Variants in TRIM9 observed in about 807,000 individuals in gnomAD.
The protein encoded by TRIM9 is tripartite motif containing 9, also known as E3 ubiquitin-protein ligase TRIM9.
A neutral mutation model predicts 78.3 loss-of-function variants in TRIM9; 26 were observed. The observed-to-expected ratio is 0.33, with a 90% confidence interval of 0.24 to 0.46. The LOEUF (loss-of-function observed/expected upper bound fraction) is 0.46, where lower values mean the gene tolerates loss of function less well. TRIM9 is among the 20% of genes least tolerant of loss of function. The probability of loss-of-function intolerance (pLI) is 1.00; values close to 1 mark genes in which losing one functional copy is unlikely to be tolerated. For synonymous variants in TRIM9, 398 were observed against 416.5 expected (o/e 0.96, Z 0.54); for missense variants, 787 against 1,036.4 (o/e 0.76, Z 3.30).
chr14:51,011,037 G>A (rs1268200590), intron 3 of TRIM9, among the ~76,000 whole-genome samples: 2 of 152,152 alleles, frequency 1.3e-5, no homozygotes, highest in Non-Finnish European at 2.9e-5. Flanking sequence ...GATGGTGGGG[G>A]ACCTGGAAGG....
At position 50,998,035 on chromosome 14, in the gene TRIM9, G is replaced by A. The variant is rs2054451966; in HGVS notation, c.1603+15C>T. ...CGCAGTTCTCGCTCTGAGGGATACTGCTGAAGGGCCTTACCCTCAGACGTT... is the reference window on the plus strand; with the variant it reads ...CGCAGTTCTCGCTCTGAGGGATACTACTGAAGGGCCTTACCCTCAGACGTT... On this transcript the variant is annotated intron_variant, in intron 7 of 12. Transcript: ENST00000684578. 2 of 1,613,992 alleles carry A rather than the reference G, an allele frequency of 1.2e-6. No homozygotes were observed. Among genetic ancestry groups the A allele is most frequent in the South Asian group, 2.2e-5 (2 of 91,044 alleles).
chr14:51,062,953 A>G (rs187160303), intron 1 of TRIM9, among the ~76,000 whole-genome samples: 18 of 152,298 alleles, frequency 1.2e-4, no homozygotes, highest in African/African-American at 4.3e-4. Flanking sequence ...GCCACATGAG[A>G]TATGTGGAGA....
At chr14:51,053,382 T>C (rs1022723551) in intron 1 of TRIM9, among the ~76,000 whole-genome samples, 3 of 151,692 alleles carry the variant, frequency 2.0e-5, no homozygotes, top group African/African-American at 7.2e-5. Flanking sequence ...ACACTCATGA[T>C]AGGAGATGCT....
At chr14:51,010,651 T>A (rs750260229) in intron 3 of TRIM9, among the ~76,000 whole-genome samples, 157 bp from the exon 4 acceptor site, 5 of 152,124 alleles carry the variant, frequency 3.3e-5, no homozygotes, top group Non-Finnish European at 5.9e-5. Flanking sequence ...CTGCTGGGGA[T>A]AAGGGCTCTG....
At chr14:51,014,267 G>A (rs992769388) in intron 3 of TRIM9, among the ~76,000 whole-genome samples, 1 of 152,106 alleles carries the variant, frequency 6.6e-6, no homozygotes, top group African/African-American at 2.4e-5. Flanking sequence ...TGAGTGCTGG[G>A]GCTCTCTGCT....
intron 3 of TRIM9, among the ~76,000 whole-genome samples, chr14:51,019,991 C>T (rs2139742556): frequency 6.6e-6 from 1 of 152,312 alleles, no homozygotes; most frequent in Non-Finnish European, 1.5e-5. Flanking sequence ...ACTCACTTTC[C>T]AGCATTCCTA....
intron 1 of TRIM9, among the ~76,000 whole-genome samples, chr14:51,026,086 C>T (rs376930469): frequency 1.2e-4 from 18 of 152,158 alleles, no homozygotes; most frequent in African/African-American, 4.3e-4. Context: ...CTGGGGAGGC[C>T]GTGGTACACA....
intron 3 of TRIM9, 55 bp downstream of exon 3, chr14:51,022,780 C>T: frequency 6.2e-7 from 1 of 1,606,616 alleles, no homozygotes; most frequent in Non-Finnish European, 8.5e-7. Flanking sequence ...GTCCATCATG[C>T]CCCTCGGGAG....
chr14:51,015,183 A>T (rs1205099524), intron 3 of TRIM9, among the ~76,000 whole-genome samples: 2 of 152,210 alleles, frequency 1.3e-5, no homozygotes, highest in Non-Finnish European at 2.9e-5. Flanking sequence ...AGTCTGAAGG[A>T]CTGTTGTGTC....
chr14:51,083,490 G>A (rs943602486), intron 1 of TRIM9, among the ~76,000 whole-genome samples: 4 of 151,902 alleles, frequency 2.6e-5, no homozygotes, highest in East Asian at 1.9e-4. Context: ...AACTCCTTCC[G>A]CCTCAGCCTC....
Position 51,094,810 on chromosome 14 carries a change from A to G in TRIM9, c.130T>C (p.Ser44Pro). The change falls in exon 1 of 13, where the codon TCT becomes CCT. Residue 44 changes from serine to proline, a missense_variant. Ser to Pro is a moderately conservative substitution (Grantham distance 74). This residue lies in a region of TRIM9 where 352 missense variants were observed against 472.3 expected (regional missense o/e 0.75). Transcript: ENST00000684578. ...GCCCGATGGCTCTGGGGGGATTCAG[A>G]CTCTGGGGTCTGCACCAGGATGTTG... Reference protein sequence around the residue: ...ARNILVQTPESESPQSHRAAG... With the variant: ...ARNILVQTPEPESPQSHRAAG... 1 of 1,536,220 alleles carries G rather than the reference A, an allele frequency of 6.5e-7. No homozygotes were observed. The highest frequency in any genetic ancestry group is 1.4e-5 in the African/African-American group (1 of 72,092).
intron 3 of TRIM9, among the ~76,000 whole-genome samples, chr14:51,013,159 T>C (rs878909194): frequency 2.6e-5 from 4 of 152,202 alleles, no homozygotes; most frequent in Admixed American, 2.6e-4. Context: ...TTTTAGGTTT[T>C]GTATTTAGTT....
At chr14:51,061,432 T>A (rs2061345668) in intron 1 of TRIM9, among the ~76,000 whole-genome samples, 1 of 133,308 alleles carries the variant, frequency 7.5e-6, no homozygotes, top group African/African-American at 2.8e-5. Flanking sequence ...AAAAAAAAAA[T>A]TGGATTGTTG....
rs931685788 is a variant in TRIM9, at chr14:51,095,079, G to T, written c.-140C>A. On this transcript the variant is annotated 5_prime_UTR_variant, in exon 1 of 13. Coordinates refer to ENST00000684578, the MANE Select transcript of TRIM9 (RefSeq NM_001387360.1). Reference sequence around the variant, plus strand: ...GTGCCTTCCCGCGCAGCACTGGCACGGACACCCAGAGAGGCGCTAGCTCTG... The same window carrying T: ...GTGCCTTCCCGCGCAGCACTGGCACTGACACCCAGAGAGGCGCTAGCTCTG... 4 of 559,402 alleles carry T rather than the reference G, an allele frequency of 7.2e-6. No homozygotes were observed. In the African/African-American group the frequency reaches 7.7e-5, roughly 11 times the overall value. 34.7% of individuals were successfully genotyped at this position (559,402 alleles called of 1,614,324 possible). A position where few individuals can be genotyped will look rare whatever the true frequency, so the allele number is the denominator to read the frequency against.
At chr14:51,054,094 T>C (rs190365214) in intron 1 of TRIM9, among the ~76,000 whole-genome samples, 161 of 152,316 alleles carry the variant, frequency 1.1e-3, no homozygotes, top group Non-Finnish European at 1.5e-3. Context: ...CATTTTGACA[T>C]CATTAAAAAG....
intron 1 of TRIM9, among the ~76,000 whole-genome samples, chr14:51,074,625 C>T (rs79020585): frequency 0.09 from 13,740 of 152,266 alleles, 838 homozygotes; most frequent in African/African-American, 0.18. Context: ...CCTTCCACCC[C>T]ACCCTGCCCT....
At chr14:51,040,964 T>A (rs1349525621) in intron 1 of TRIM9, among the ~76,000 whole-genome samples, 1 of 152,254 alleles carries the variant, frequency 6.6e-6, no homozygotes, top group Non-Finnish European at 1.5e-5. Context: ...GATTTAGGTT[T>A]TTTCATACCT....
At chr14:51,060,759 A>G (rs1596292438) in intron 1 of TRIM9, among the ~76,000 whole-genome samples, 1 of 152,284 alleles carries the variant, frequency 6.6e-6, no homozygotes, top group Non-Finnish European at 1.5e-5. Flanking sequence ...GAGCCTCTGC[A>G]CCCAGCCTAT....
intron 12 of TRIM9, 57 bp from the exon 13 acceptor site, chr14:50,977,410 A>G (rs2051184640): frequency 1.5e-6 from 2 of 1,359,872 alleles, no homozygotes; most frequent in South Asian, 1.7e-5. Context: ...GTCCCTTTAC[A>G]CAGTGTACCG....
Sources: gnomAD v4.1 joint callset for allele counts (sites outside exome capture counted in the v4.1 genomes callset) on GRCh38, gnomAD v4.1.1 for gene constraint, gnomAD v4.1.1 regional missense constraint, MANE v1.5 for transcripts, NCBI Gene and HGNC (gene_info 2026-07-23, HGNC 2026-07-21) for gene names.